RNF135: variants seen among roughly 807,000 people sequenced by gnomAD.
The protein encoded by RNF135 is ring finger protein 135, also known as E3 ubiquitin-protein ligase RNF135.
Under a neutral mutation model 41.9 loss-of-function variants are expected in RNF135, and 46 were observed. The ratio of observed to expected loss-of-function variants is 1.10; its 90% CI spans 0.87 to 1.40. The LOEUF (loss-of-function observed/expected upper bound fraction) is 1.40. RNF135 is among the 40% of genes most tolerant of loss of function. The pLI, the probability that RNF135 is intolerant of heterozygous loss-of-function variation, is 0.00. For missense variants in RNF135, 539 were observed against 549.8 expected (o/e 0.98, Z 0.20); for synonymous variants, 238 against 223.8 (o/e 1.06, Z -0.57).
intron 1 of RNF135, among the ~76,000 whole-genome samples, chr17:30,974,878 A>G (rs1598078389): frequency 6.6e-6 from 1 of 151,928 alleles, no homozygotes; most frequent in East Asian, 1.9e-4. Context: ...GGGTTTCACC[A>G]TGTTAGCTAG....
chr17:30,968,621 C>T (rs1180133877), upstream of RNF135, among the ~76,000 whole-genome samples: 1 of 151,916 alleles, frequency 6.6e-6, no homozygotes, highest in South Asian at 2.1e-4. Context: ...ATCTCCTGAC[C>T]TCATGATCCG....
At chr17:30,983,359 T>A (rs1163598128) in intron 1 of RNF135, among the ~76,000 whole-genome samples, 255 of 52,926 alleles carry the variant, frequency 4.8e-3, no homozygotes, top group Middle Eastern at 0.015. Context: ...ATATATTTTT[T>A]TTTTTTTTTT....
At chr17:30,969,619 AG>A (rs1905715874), upstream of RNF135, among the ~76,000 whole-genome samples, 2 of 152,236 alleles carry the variant, frequency 1.3e-5, no homozygotes, top group Admixed American at 1.3e-4. Flanking sequence ...CAAGTGGGTC[AG>A]GGAAGTGCCA....
chr17:30,998,697 T>C lies in RNF135; in HGVS notation c.805T>C (p.Ser269Pro). 6.2e-7 allele frequency: 1 copy of C among 1,614,040 alleles called. No individual in the cohort carries two copies. The highest frequency in any genetic ancestry group is 8.5e-7 in the Non-Finnish European group (1 of 1,179,990). The change falls in exon 5 of 5, where the codon TCC becomes CCC. Residue 269 changes from serine (S) to proline (P), a missense_variant. This residue lies in a region of RNF135 where 262 missense variants were observed against 336.9 expected (regional missense o/e 0.78). Transcript: ENST00000328381. ...TCCAACCTTTAACTTGAAGAGCCTT[T>C]CCTGCAGCCTGGAGGTGTCCAAGGA... ...IHPTFNLKSL[S>P]CSLEVSKDSR...
chr17:30,988,686 A>C (rs1907770987), intron 3 of RNF135, among the ~76,000 whole-genome samples: 1 of 151,144 alleles, frequency 6.6e-6, no homozygotes, highest in African/African-American at 2.4e-5. Flanking sequence ...TTGGCCTCCC[A>C]AAGTGTTGGG....
chr17:30,962,279 T>C, the RNF135 span, among the ~76,000 whole-genome samples: 31,364 of 151,492 alleles, frequency 0.21, 10,206 homozygotes, highest in African/African-American at 0.7. Context: ...ATTACAGGCA[T>C]GCACCATCAC....
chr17:30,980,861 C>T lies in RNF135; in HGVS notation c.373-3756C>T, dbSNP rs1416313405. On this transcript the variant is annotated intron_variant, in intron 1 of 4. Transcript: ENST00000328381. ...AGATGGGATGGCGGCCGGGCAGAGA[C>T]GCTCCTCACTTTCCAGACTGGGCAG... is the stretch of plus-strand genomic sequence containing the variant. 3.8e-3 allele frequency among the ~76,000 whole-genome samples: 573 copies of T among 150,418 alleles called. 4 individuals carry two copies. The highest frequency in any genetic ancestry group is 0.012 in the African/African-American group (510 of 41,000).
chr17:30,983,345 A>AT, intron 1 of RNF135, among the ~76,000 whole-genome samples: 1 of 34,178 alleles, frequency 2.9e-5, no homozygotes, highest in African/African-American at 9.3e-5. Flanking sequence ...ATATATATAT[A>AT]TATATATATT....
intron 3 of RNF135, among the ~76,000 whole-genome samples, chr17:30,990,976 A>C (rs769196933): frequency 3.9e-5 from 6 of 152,146 alleles, no homozygotes; most frequent in Non-Finnish European, 7.3e-5. Flanking sequence ...GTGTATGTAC[A>C]TTGTTTCATA....
At chr17:30,981,888 G>A (rs1007079505) in intron 1 of RNF135, among the ~76,000 whole-genome samples, 3 of 152,210 alleles carry the variant, frequency 2.0e-5, no homozygotes, top group African/African-American at 7.2e-5. Context: ...CTTCTCATAC[G>A]TTCTCCAAAA....
At chr17:30,988,132 A>G in intron 3 of RNF135, 26 bp downstream of exon 3, 1 of 1,610,250 alleles carries the variant, frequency 6.2e-7, no homozygotes, top group Non-Finnish European at 8.5e-7. Flanking sequence ...TTATTGGAGG[A>G]GGATTAAATA....
At chr17:30,992,923 G>T (rs1567748366) in intron 3 of RNF135, among the ~76,000 whole-genome samples, 1 of 151,780 alleles carries the variant, frequency 6.6e-6, no homozygotes, top group Non-Finnish European at 1.5e-5. Context: ...AGGTATATGT[G>T]TGTGTTTGTA....
intron 3 of RNF135, among the ~76,000 whole-genome samples, chr17:30,995,926 T>G (rs1041605897): frequency 6.8e-6 from 1 of 147,736 alleles, no homozygotes; most frequent in Non-Finnish European, 1.5e-5. Flanking sequence ...CTGACTAGTT[T>G]TGTGTGTGTG....
chr17:30,971,508 C>T, intron 1 of RNF135, 63 bp downstream of exon 1: 1 of 1,419,256 alleles, frequency 7.0e-7, no homozygotes, highest in Non-Finnish European at 9.1e-7. Flanking sequence ...TGACCCTTTC[C>T]CATGTGGCTC....
intron 1 of RNF135, chr17:30,980,342 C>T (rs1906997739): frequency 1.4e-5 from 2 of 147,250 alleles, no homozygotes; most frequent in African/African-American, 2.6e-5. Flanking sequence ...GGGGCTGAGC[C>T]CCCCACCTCC....
chr17:30,963,162 T>C, the RNF135 span, among the ~76,000 whole-genome samples: 3 of 148,860 alleles, frequency 2.0e-5, no homozygotes, highest in African/African-American at 7.6e-5. Context: ...CAGTGGCTAT[T>C]CACAGATATG....
At chr17:30,988,634 A>G (rs1598096294) in intron 3 of RNF135, among the ~76,000 whole-genome samples, 1 of 151,488 alleles carries the variant, frequency 6.6e-6, no homozygotes, top group Admixed American at 6.6e-5. Flanking sequence ...CACCATGTTA[A>G]CGAGGATGGT....
rs774099726 is a variant in RNF135 at position 30,986,272 on chromosome 17, T to C, written c.516+1512T>C. On this transcript the variant is annotated intron_variant, in intron 2 of 4. Transcript: ENST00000328381. ...AGTGCAGTGGCGTGATCTCAGCTCATTGCAACCTCCGCCTCCTAGGTTCAA... is the reference window on the plus strand; with the variant it reads ...AGTGCAGTGGCGTGATCTCAGCTCACTGCAACCTCCGCCTCCTAGGTTCAA... 1.1e-3 allele frequency among the ~76,000 whole-genome samples: 168 copies of C among 151,760 alleles called. 1 individual carries two copies. The highest frequency in any genetic ancestry group is 5.4e-3 in the Admixed American group (82 of 15,200).
upstream of RNF135, among the ~76,000 whole-genome samples, chr17:30,969,963 G>C (rs1905758003): frequency 6.6e-6 from 1 of 151,798 alleles, no homozygotes; most frequent in African/African-American, 2.4e-5. Flanking sequence ...TTTCAGTAGA[G>C]ATGAGGGTTC....
Sources: gnomAD v4.1 joint callset for allele counts (sites outside exome capture counted in the v4.1 genomes callset) on GRCh38, gnomAD v4.1.1 for gene constraint, gnomAD v4.1.1 regional missense constraint, MANE v1.5 for transcripts, NCBI Gene and HGNC (gene_info 2026-07-23, HGNC 2026-07-21) for gene names.